ALCAM: variants seen among roughly 807,000 people sequenced by gnomAD.
ALCAM encodes the protein activated leukocyte cell adhesion molecule, also known as CD166 antigen.
ALCAM carries 30 observed loss-of-function variants against 70.9 expected under a neutral mutation model. The observed-to-expected ratio is 0.42, with a 90% CI of 0.32 to 0.57. The LOEUF is 0.57. Among genes scored for constraint, ALCAM ranks in the 20% least tolerant of loss-of-function variants. The pLI is 0.11. For synonymous variants in ALCAM, 249 were observed against 242.5 expected (o/e 1.03, Z -0.25); for missense variants, 591 against 695.1 (o/e 0.85, Z 1.68).
intron 1 of ALCAM, among the ~76,000 whole-genome samples, chr3:105,460,858 A>C (rs1457185023): frequency 6.6e-6 from 1 of 151,978 alleles, no homozygotes; most frequent in Non-Finnish European, 1.5e-5. Context: ...ATTGATTACT[A>C]CTTTACTGAT....
In ALCAM at chr3:105,398,289, C is replaced by T. The variant is rs144719742; in HGVS notation, c.73+30808C>T. Among the ~76,000 whole-genome samples the T allele has an allele frequency of 3.4e-4, 52 of 152,198 alleles. No homozygotes were observed. In the East Asian group the frequency reaches 9.5e-3, roughly 28 times the overall value. ...CCATGCATGCCCACTGCAGCTCCCC[C>T]TCTTTCATTTTTTTTCAGAAGAAAA... On this transcript the variant is annotated intron_variant, in intron 1 of 15. Transcript: ENST00000306107.
At chr3:105,488,777 G>A (rs910682286) in intron 1 of ALCAM, among the ~76,000 whole-genome samples, 1 of 151,984 alleles carries the variant, frequency 6.6e-6, no homozygotes, top group African/African-American at 2.4e-5. Context: ...GAATGAATAT[G>A]TAGACCTGTG....
intron 1 of ALCAM, among the ~76,000 whole-genome samples, chr3:105,433,977 T>C (rs1936994941): frequency 6.6e-6 from 1 of 152,030 alleles, no homozygotes. Flanking sequence ...TGTATTCTGA[T>C]GTCCATCCCC....
At chr3:105,455,441 CAAA>C (rs66472811) in intron 1 of ALCAM, among the ~76,000 whole-genome samples, 14,158 of 126,314 alleles carry the variant, frequency 0.11, 815 homozygotes, top group Non-Finnish European at 0.16. Context: ...GACACCGTCT[CAAA>C]AAAAAAAAAA....
chr3:105,467,626 T>C (rs993379472), intron 1 of ALCAM, among the ~76,000 whole-genome samples: 1 of 151,296 alleles, frequency 6.6e-6, no homozygotes, highest in Non-Finnish European at 1.5e-5. Context: ...AAAAATATTA[T>C]AGGATCTTCA....
At chr3:105,416,641 C>T (rs1024952223) in intron 1 of ALCAM, among the ~76,000 whole-genome samples, 1 of 151,898 alleles carries the variant, frequency 6.6e-6, no homozygotes, top group African/African-American at 2.4e-5. Flanking sequence ...CACCATTCGA[C>T]CAATTTTTAG....
At chr3:105,378,199 T>A (rs185251748) in intron 1 of ALCAM, among the ~76,000 whole-genome samples, 89 of 152,032 alleles carry the variant, frequency 5.9e-4, no homozygotes. Context: ...TCTATTTTAG[T>A]CACTTTTACA....
chr3:105,439,771 C>T (rs904045815), intron 1 of ALCAM, among the ~76,000 whole-genome samples: 8 of 152,244 alleles, frequency 5.3e-5, no homozygotes, highest in Middle Eastern at 3.4e-3. Context: ...ACTTCTGTGG[C>T]CTATTTATAT....
chr3:105,415,283 A>G (rs1249083455), intron 1 of ALCAM, among the ~76,000 whole-genome samples: 12 of 152,174 alleles, frequency 7.9e-5, no homozygotes, highest in Admixed American at 5.9e-4. Context: ...AAGTGCCTCA[A>G]AAAGAACAAG....
intron 1 of ALCAM, among the ~76,000 whole-genome samples, chr3:105,395,599 C>T (rs772932934): frequency 1.3e-5 from 2 of 151,830 alleles, no homozygotes; most frequent in Non-Finnish European, 2.9e-5. Context: ...CTTATGACAC[C>T]ATGTTATTTA....
intron 1 of ALCAM, among the ~76,000 whole-genome samples, chr3:105,457,434 A>T (rs1937549227): frequency 1.3e-5 from 2 of 152,122 alleles, no homozygotes; most frequent in Non-Finnish European, 2.9e-5. Flanking sequence ...AGAGCAGGGA[A>T]AATAACTAAT....
In ALCAM at chr3:105,454,653, A is replaced by ATTTTTT. The variant is rs59389132; in HGVS notation, c.74-65385_74-65380dup. Among the ~76,000 whole-genome samples the ATTTTTT allele has an allele frequency of 5.5e-3, 341 of 61,810 alleles. 24 individuals carry two copies. The highest frequency in any genetic ancestry group is 0.011 in the African/African-American group (154 of 14,622). 40.5% of individuals were successfully genotyped at this position (61,810 alleles called of 152,430 possible). On this transcript the variant is annotated intron_variant, in intron 1 of 15. Coordinates refer to ENST00000306107, the MANE Select transcript of ALCAM (RefSeq NM_001627.4). ...ATTGGCACATAGTAGATGCTCATTA[A>ATTTTTT]TTTTTTTTTTTTTTTTTTTTTTTTT...
chr3:105,444,460 A>G (rs1393993893), intron 1 of ALCAM, among the ~76,000 whole-genome samples: 1 of 147,316 alleles, frequency 6.8e-6, no homozygotes, highest in African/African-American at 2.5e-5. Flanking sequence ...CCATGATACA[A>G]TCACTGCCCA....
intron 1 of ALCAM, among the ~76,000 whole-genome samples, chr3:105,420,611 T>C (rs1936624592): frequency 6.6e-6 from 1 of 151,696 alleles, no homozygotes. Context: ...TCACAGGACA[T>C]TTATTAATGC....
At chr3:105,430,212 A>T (rs578223233) in intron 1 of ALCAM, among the ~76,000 whole-genome samples, 23 of 152,122 alleles carry the variant, frequency 1.5e-4, no homozygotes, top group Non-Finnish European at 2.9e-4. Context: ...TCATATTTAT[A>T]GTACATTTAT....
At chr3:105,554,839 C>G (rs1940482474) in intron 14 of ALCAM, among the ~76,000 whole-genome samples, 1 of 151,840 alleles carries the variant, frequency 6.6e-6, no homozygotes, top group South Asian at 2.1e-4. Flanking sequence ...AGCTTGCGTT[C>G]TAGGGTATTT....
chr3:105,447,823 G>A (rs1937334542), intron 1 of ALCAM, among the ~76,000 whole-genome samples: 1 of 152,174 alleles, frequency 6.6e-6, no homozygotes, highest in Admixed American at 6.5e-5. Context: ...AATAATGCTG[G>A]CAGTGGAATG....
chr3:105,407,077 C>CA (rs564793559), intron 1 of ALCAM, among the ~76,000 whole-genome samples: 4 of 151,370 alleles, frequency 2.6e-5, no homozygotes, highest in Admixed American at 6.6e-5. Flanking sequence ...AAAATGCCAA[C>CA]AAAAAAAAGT....
At chr3:105,412,077 G>A (rs1936404012) in intron 1 of ALCAM, among the ~76,000 whole-genome samples, 1 of 152,018 alleles carries the variant, frequency 6.6e-6, no homozygotes, top group East Asian at 1.9e-4. Flanking sequence ...TTAATGTCAG[G>A]ACTAATAGCA....
Sources: gnomAD v4.1 joint callset for allele counts (sites outside exome capture counted in the v4.1 genomes callset) on GRCh38, gnomAD v4.1.1 for gene constraint, MANE v1.5 for transcripts, NCBI Gene and HGNC (gene_info 2026-07-23, HGNC 2026-07-21) for gene names.